The following OSBPL3 variants were observed in gnomAD, a reference collection of about 807,000 sequenced individuals.
The protein encoded by OSBPL3 is oxysterol binding protein like 3.
In OSBPL3, 65 loss-of-function variants were observed where a neutral mutation model predicts 120.1. The ratio of observed to expected loss-of-function variants is 0.54; its 90% CI spans 0.44 to 0.67. The LOEUF is 0.67. Ranked by LOEUF, OSBPL3 falls within the 30% of genes least tolerant of loss-of-function variation. OSBPL3 has a pLI of 0.00. For missense variants in OSBPL3, 1,004 were observed against 1,082.1 expected (o/e 0.93, Z 1.01); for synonymous variants, 416 against 402.6 (o/e 1.03, Z -0.40).
At chr7:24,974,894 G>T (rs1292497100) in intron 1 of OSBPL3, among the ~76,000 whole-genome samples, 4 of 152,042 alleles carry the variant, frequency 2.6e-5, no homozygotes, top group African/African-American at 7.2e-5. Context: ...TTTTTTAGAG[G>T]GTGATAAATG....
chr7:24,866,525 G>A (rs941596108), intron 5 of OSBPL3, among the ~76,000 whole-genome samples: 1 of 152,066 alleles, frequency 6.6e-6, no homozygotes, highest in Non-Finnish European at 1.5e-5. Flanking sequence ...CCTGTGATCT[G>A]AGCTACTCGG....
intron 1 of OSBPL3, among the ~76,000 whole-genome samples, chr7:24,974,314 T>C (rs561892475): frequency 4.3e-4 from 66 of 152,370 alleles, no homozygotes; most frequent in African/African-American, 1.4e-3. Context: ...ATTGCAGCCA[T>C]GTTCAAAGTT....
chr7:24,809,166 A>G (rs762993139), intron 20 of OSBPL3, among the ~76,000 whole-genome samples: 4 of 152,300 alleles, frequency 2.6e-5, no homozygotes, highest in Non-Finnish European at 5.9e-5. Flanking sequence ...TACCAGCCTG[A>G]AGCATCCTAA....
chr7:24,908,992 A>T (rs1808371744), intron 1 of OSBPL3, among the ~76,000 whole-genome samples: 1 of 152,238 alleles, frequency 6.6e-6, no homozygotes, highest in Non-Finnish European at 1.5e-5. Context: ...TTTCAAGCAC[A>T]TGGTCTACCT....
intron 1 of OSBPL3, among the ~76,000 whole-genome samples, chr7:24,977,574 G>A (rs953869846): frequency 1.3e-4 from 20 of 151,902 alleles, no homozygotes; most frequent in African/African-American, 4.8e-4. Flanking sequence ...TTAAGCTTAC[G>A]GGCAGGGCGC....
chr7:24,968,356 G>T lies in OSBPL3; in HGVS notation c.-150+11530C>A, dbSNP rs1219166784. 6.6e-6 allele frequency among the ~76,000 whole-genome samples: 1 copy of T among 152,206 alleles called. No homozygotes were observed. The highest frequency in any genetic ancestry group is 1.9e-4 in the East Asian group (1 of 5,196). ...CCAAGGGCTTGGGAAGTCACGCACA[G>T]TTGGTTCCCACATGCCGGTGTAAAC... On this transcript the variant is annotated intron_variant, in intron 1 of 22. Coordinates refer to ENST00000313367, the MANE Select transcript of OSBPL3 (RefSeq NM_015550.4). The surrounding 1 kb of genome is among the most constrained non-coding windows in gnomAD (Gnocchi z 4.6).
At chr7:24,837,528 T>C (rs2128188961) in intron 14 of OSBPL3, among the ~76,000 whole-genome samples, 1 of 152,300 alleles carries the variant, frequency 6.6e-6, no homozygotes, top group Middle Eastern at 3.4e-3. Flanking sequence ...AAAACAATTT[T>C]TCATGTAGTC....
chr7:24,857,321 G>A (rs1400400674), intron 10 of OSBPL3, among the ~76,000 whole-genome samples: 3 of 152,134 alleles, frequency 2.0e-5, no homozygotes, highest in Non-Finnish European at 2.9e-5. Context: ...ACAGATATCC[G>A]CTTCCATTCA....
intron 1 of OSBPL3, among the ~76,000 whole-genome samples, chr7:24,976,791 C>T (rs1372756971): frequency 6.6e-6 from 1 of 152,126 alleles, no homozygotes; most frequent in Non-Finnish European, 1.5e-5. Flanking sequence ...ACAGTACTGC[C>T]GAGAAGCACA....
intron 1 of OSBPL3, among the ~76,000 whole-genome samples, chr7:24,977,174 T>G (rs1368350187): frequency 6.6e-6 from 1 of 152,174 alleles, no homozygotes; most frequent in Non-Finnish European, 1.5e-5. Context: ...GTAAAACAAA[T>G]CAGATTTCTC....
Position 24,916,925 on chromosome 7 carries a change from C to T in OSBPL3, c.-149-24304G>A, listed in dbSNP as rs1490346203. Among the ~76,000 whole-genome samples the T allele has an allele frequency of 6.6e-6, 1 of 151,620 alleles. No homozygotes were observed. Among genetic ancestry groups the T allele is most frequent in the Non-Finnish European group, 1.5e-5 (1 of 67,936 alleles). Reference sequence around the variant, plus strand: ...AAGACGTCTTCCATTTCCACCCCCCCCAACCTTTTTAGAAAATTAAATAAA... The same window carrying T: ...AAGACGTCTTCCATTTCCACCCCCCTCAACCTTTTTAGAAAATTAAATAAA... On this transcript the variant is annotated intron_variant, in intron 1 of 22. Coordinates refer to ENST00000313367, the MANE Select transcript of OSBPL3 (RefSeq NM_015550.4). The surrounding 1 kb of genome is among the most constrained non-coding windows in gnomAD (Gnocchi z 4.9).
intron 14 of OSBPL3, among the ~76,000 whole-genome samples, chr7:24,840,404 G>T (rs369209265): frequency 6.6e-6 from 1 of 152,048 alleles, no homozygotes; most frequent in African/African-American, 2.4e-5. Flanking sequence ...TCCCCTTAAC[G>T]AATTGTAAAT....
intron 1 of OSBPL3, among the ~76,000 whole-genome samples, chr7:24,917,415 T>TAC: frequency 7.1e-6 from 1 of 141,412 alleles, no homozygotes; most frequent in South Asian, 2.2e-4. Context: ...TATATATATA[T>TAC]ATATATATAT....
chr7:24,884,968 C>T (rs1331646666), intron 2 of OSBPL3, among the ~76,000 whole-genome samples: 1 of 152,050 alleles, frequency 6.6e-6, no homozygotes, highest in African/African-American at 2.4e-5. Flanking sequence ...CTTAGTATCT[C>T]TAAAGACATT....
intron 16 of OSBPL3, among the ~76,000 whole-genome samples, chr7:24,826,135 A>C (rs1795676725): frequency 6.6e-6 from 1 of 152,210 alleles, no homozygotes; most frequent in African/African-American, 2.4e-5. Context: ...GCCAGGCAGC[A>C]GGAGGACGCA....
chr7:24,903,086 T>C (rs1487661029), intron 1 of OSBPL3, among the ~76,000 whole-genome samples: 3 of 152,244 alleles, frequency 2.0e-5, no homozygotes, highest in Non-Finnish European at 4.4e-5. Flanking sequence ...TGGCAAGATG[T>C]TCTGGTACTG....
chr7:24,946,419 C>A lies in OSBPL3; in HGVS notation c.-150+33467G>T, dbSNP rs1008827527. Among the ~76,000 whole-genome samples, 3 of 152,004 alleles carry A rather than the reference C, an allele frequency of 2.0e-5. No homozygotes were observed. The highest frequency in any genetic ancestry group is 4.8e-5 in the African/African-American group (2 of 41,376). ...ACCTCACCTATCAATGAAAGAACTT[C>A]TGGTCAGTTTTTAAAACTTCCACAG... is the stretch of plus-strand genomic sequence containing the variant. On this transcript the variant is annotated intron_variant, in intron 1 of 22. Coordinates refer to ENST00000313367, the MANE Select transcript of OSBPL3 (RefSeq NM_015550.4). This position sits in a 1 kb window ranked among gnomAD's most constrained non-coding sequence, Gnocchi z 4.3.
At chr7:24,978,206 A>G (rs1173278776) in intron 1 of OSBPL3, among the ~76,000 whole-genome samples, 1 of 152,272 alleles carries the variant, frequency 6.6e-6, no homozygotes, top group Admixed American at 6.5e-5. Context: ...GGTAATGTAC[A>G]AAAGTTCCTA....
rs1276107356 is a variant in OSBPL3 at position 24,940,809 on chromosome 7, C to CT, written c.-150+39076dup. Among the ~76,000 whole-genome samples the CT allele has an allele frequency of 1.6e-4, 12 of 76,132 alleles. No homozygotes were observed. The highest frequency in any genetic ancestry group is 6.8e-4 in the African/African-American group (10 of 14,656). 49.9% of individuals were successfully genotyped at this position (76,132 alleles called of 152,430 possible). On this transcript the variant is annotated intron_variant, in intron 1 of 22. Transcript: ENST00000313367. This position sits in a 1 kb window ranked among gnomAD's most constrained non-coding sequence, Gnocchi z 4.4. The stretch of plus-strand genomic sequence containing the variant: ...ACATCGCTCTTCTTAACATTTCTTC[C>CT]TTTTTTTTCTTTTTTTTTTTGTGTG...
Sources: allele counts gnomAD v4.1 joint callset (sites outside exome capture counted in the v4.1 genomes callset), GRCh38; gene constraint gnomAD v4.1.1; non-coding constraint Gnocchi (gnomAD v3.1); transcripts MANE v1.5; gene names NCBI Gene and HGNC (gene_info 2026-07-23, HGNC 2026-07-21).